Variants in CADPS2 observed in about 807,000 individuals in gnomAD.
CADPS2 encodes the protein calcium-dependent secretion activator 2.
In CADPS2, 93 loss-of-function variants were observed where a neutral mutation model predicts 172.5. The ratio of observed to expected loss-of-function variants is 0.54; its 90% CI spans 0.46 to 0.64. The LOEUF is 0.64. CADPS2 is among the 30% of genes least tolerant of loss of function. The pLI is 0.00. For synonymous variants in CADPS2, 546 were observed against 555.2 expected (o/e 0.98, Z 0.23); for missense variants, 1,420 against 1,565.9 (o/e 0.91, Z 1.57).
chr7:122,816,902 T>C (rs1011769678), intron 1 of CADPS2, among the ~76,000 whole-genome samples: 6 of 151,710 alleles, frequency 4.0e-5, no homozygotes, highest in Admixed American at 2.6e-4. Context: ...TTGCCTTAAA[T>C]GATGGCATTA....
At chr7:122,456,776 G>A (rs2053836374) in intron 14 of CADPS2, among the ~76,000 whole-genome samples, 1 of 152,160 alleles carries the variant, frequency 6.6e-6, no homozygotes, top group Non-Finnish European at 1.5e-5. Context: ...ACACACGTGT[G>A]CACACAAACA....
At chr7:122,672,243 A>T (rs972739390) in intron 2 of CADPS2, among the ~76,000 whole-genome samples, 22 of 152,350 alleles carry the variant, frequency 1.4e-4, no homozygotes, top group African/African-American at 5.1e-4. Context: ...AACAACAGTT[A>T]TCAAGTTAAA....
intron 1 of CADPS2, among the ~76,000 whole-genome samples, chr7:122,766,312 A>C (rs896287779): frequency 1.3e-5 from 2 of 152,122 alleles, no homozygotes; most frequent in African/African-American, 4.8e-5. Flanking sequence ...AGGACAAATC[A>C]CATCCAAACC....
At chr7:122,471,653 A>G in intron 13 of CADPS2, 91 bp from the exon 14 acceptor site, 1 of 986,036 alleles carries the variant, frequency 1.0e-6, no homozygotes, top group Non-Finnish European at 1.5e-6. Flanking sequence ...TTATAAGCAG[A>G]AGCTGCATGA....
chr7:122,391,488 A>G (rs1176129605), intron 22 of CADPS2, among the ~76,000 whole-genome samples: 1 of 152,136 alleles, frequency 6.6e-6, no homozygotes, highest in African/African-American at 2.4e-5. Flanking sequence ...ATTAGGAAGA[A>G]AAGGAGTTAA....
rs571190523 is a variant in CADPS2 at position 122,351,150 on chromosome 7, A to T, written c.3505-5469T>A. Reference sequence around the variant, plus strand: ...GGAGGCTGAGGTGGGCAGATCACGAAGTCAGGAGATAAGAGACCATCCTGG... The same window carrying T: ...GGAGGCTGAGGTGGGCAGATCACGATGTCAGGAGATAAGAGACCATCCTGG... On this transcript the variant is annotated intron_variant, in intron 27 of 29. Coordinates refer to ENST00000449022, the MANE Select transcript of CADPS2 (RefSeq NM_017954.11). 5.3e-5 allele frequency among the ~76,000 whole-genome samples: 8 copies of T among 151,782 alleles called. No homozygotes were observed. In the East Asian group the frequency reaches 9.7e-4, roughly 18 times the overall value.
At chr7:122,682,662 C>T (rs1439429558) in intron 2 of CADPS2, among the ~76,000 whole-genome samples, 1 of 152,164 alleles carries the variant, frequency 6.6e-6, no homozygotes, top group Non-Finnish European at 1.5e-5. Context: ...GAATTCAATT[C>T]ACCTCATCCT....
chr7:122,418,760 AATG>A (rs2048227401), intron 17 of CADPS2, among the ~76,000 whole-genome samples: 1 of 152,176 alleles, frequency 6.6e-6, no homozygotes, highest in Non-Finnish European at 1.5e-5. Flanking sequence ...TGGCTCAGAG[AATG>A]ATGATGTATG....
chr7:122,778,445 A>G (rs2093950498), intron 1 of CADPS2, among the ~76,000 whole-genome samples: 1 of 152,242 alleles, frequency 6.6e-6, no homozygotes, highest in Non-Finnish European at 1.5e-5. Flanking sequence ...TGCCCAAGTA[A>G]CATGGAGCCC....
chr7:122,471,015 C>T (rs1226478267), intron 14 of CADPS2, among the ~76,000 whole-genome samples: 2 of 152,124 alleles, frequency 1.3e-5, no homozygotes, highest in Admixed American at 6.5e-5. Flanking sequence ...ACACACAGAC[C>T]TATCAACACA....
At chr7:122,389,402 T>C (rs2044099156) in intron 22 of CADPS2, among the ~76,000 whole-genome samples, 1 of 151,968 alleles carries the variant, frequency 6.6e-6, no homozygotes, top group Non-Finnish European at 1.5e-5. Context: ...GCGTTTCAGG[T>C]CCTTATATCT....
chr7:122,860,671 T>C (rs149416909), intron 1 of CADPS2, among the ~76,000 whole-genome samples: 1 of 152,316 alleles, frequency 6.6e-6, no homozygotes, highest in East Asian at 1.9e-4. Flanking sequence ...TGCAATAGAA[T>C]ATCAGGATTT....
chr7:122,544,472 T>C (rs1282562155), intron 8 of CADPS2, among the ~76,000 whole-genome samples: 2 of 152,174 alleles, frequency 1.3e-5, no homozygotes, highest in Admixed American at 1.3e-4. Context: ...GCCTATAGTT[T>C]ATTAAGCAGT....
intron 8 of CADPS2, among the ~76,000 whole-genome samples, chr7:122,537,522 G>GA (rs991389186): frequency 1.3e-5 from 2 of 151,032 alleles, no homozygotes; most frequent in Admixed American, 6.6e-5. Context: ...AAAAGAATTA[G>GA]AAAAAAAACT....
intron 10 of CADPS2, among the ~76,000 whole-genome samples, 196 bp downstream of exon 10, chr7:122,491,116 A>T (rs934867030): frequency 1.3e-5 from 2 of 152,182 alleles, no homozygotes; most frequent in Non-Finnish European, 2.9e-5. Flanking sequence ...ATAATAACAA[A>T]TATGATGAAA....
intron 14 of CADPS2, among the ~76,000 whole-genome samples, chr7:122,454,148 G>A (rs573463954): frequency 1.1e-4 from 16 of 152,248 alleles, no homozygotes; most frequent in Non-Finnish European, 2.2e-4. Context: ...AATACTTTCC[G>A]TGTCATCAAC....
chr7:122,640,561 A>C (rs984576885), intron 3 of CADPS2, among the ~76,000 whole-genome samples: 3 of 152,118 alleles, frequency 2.0e-5, no homozygotes, highest in Non-Finnish European at 4.4e-5. Context: ...GCCTGAATGG[A>C]CAAAATTTAG....
intron 24 of CADPS2, 43 bp downstream of exon 24, chr7:122,386,983 G>A: frequency 6.5e-7 from 1 of 1,541,148 alleles, no homozygotes; most frequent in Non-Finnish European, 8.8e-7. Context: ...CCCATGCCAA[G>A]GCACCCTGTG....
intron 1 of CADPS2, among the ~76,000 whole-genome samples, chr7:122,808,167 T>A (rs1336234916): frequency 1.3e-5 from 2 of 152,268 alleles, no homozygotes; most frequent in African/African-American, 4.8e-5. Context: ...CCAGATTGGT[T>A]ATTGCTTCTA....
Sources: allele counts gnomAD v4.1 joint callset (sites outside exome capture counted in the v4.1 genomes callset), GRCh38; gene constraint gnomAD v4.1.1; transcripts MANE v1.5; gene names NCBI Gene and HGNC (gene_info 2026-07-23, HGNC 2026-07-21).